ANKRD36C: variants seen among roughly 807,000 people sequenced by gnomAD.
ANKRD36C encodes the protein ankyrin repeat domain 36C.
Under a neutral mutation model 276.4 loss-of-function variants are expected in ANKRD36C, and 61 were observed. The observed-to-expected ratio is 0.22, with a 90% CI of 0.18 to 0.27. The LOEUF is 0.27. Ranked by LOEUF, ANKRD36C falls within the 10% of genes least tolerant of loss-of-function variation. The pLI is 1.00. For missense variants in ANKRD36C, 1,447 were observed against 2,032.3 expected (o/e 0.71, Z 5.54); for synonymous variants, 483 against 680.1 (o/e 0.71, Z 4.51).
chr2:95,873,342 G>C (rs1309309310), intron 59 of ANKRD36C, among the ~76,000 whole-genome samples: 4 of 152,192 alleles, frequency 2.6e-5, no homozygotes, highest in Non-Finnish European at 5.9e-5. Context: ...CTTCATCCCT[G>C]GGATGCAAGG....
chr2:95,875,486 C>T lies in ANKRD36C; in HGVS notation c.3540+953G>A, dbSNP rs577145384. ...ATAGGTGGGAATTGAACAATGAGAA[C>T]AGGTGGACACAGGAAGGGGAACATC... On this transcript the variant is annotated intron_variant, in intron 59 of 66. Coordinates refer to ENST00000456556, the Ensembl canonical transcript of ANKRD36C. Among the ~76,000 whole-genome samples the T allele has an allele frequency of 1.2e-4, 15 of 129,540 alleles. No homozygotes were observed. The East Asian group carries it at 3.4e-3, about 30-fold the overall frequency. The allele number at this position is 129,540 out of a possible 152,430, so 85.0% of individuals were successfully genotyped here.
chr2:95,876,853 C>CAAAAAAA (rs61043155), intron 58 of ANKRD36C, among the ~76,000 whole-genome samples: 1 of 84,166 alleles, frequency 1.2e-5, no homozygotes, highest in African/African-American at 5.6e-5. Context: ...GACTGTGTCT[C>CAAAAAAA]AAAAAAAAAA....
Position 95,857,500 on chromosome 2 carries a change from T to A in ANKRD36C, c.3897-8A>T. On this transcript the variant is annotated splice_polypyrimidine_tract_variant and splice_region_variant and intron_variant, in intron 61 of 66. Coordinates refer to ENST00000456556, the Ensembl canonical transcript of ANKRD36C. ...TCTTGCTGTATGGCAAATCTGTAAA[T>A]ATACTTATCTTAGAATTTATCTTAT... The A allele has an allele frequency of 6.5e-7, 1 of 1,537,048 alleles. No homozygotes were observed. Among genetic ancestry groups the A allele is most frequent in the South Asian group, 1.3e-5 (1 of 78,624 alleles).
intron 42 of ANKRD36C, 40 bp from the exon 46 acceptor site, chr2:95,910,485 A>T (rs1428494886): frequency 6.3e-7 from 1 of 1,599,716 alleles, no homozygotes. Flanking sequence ...TAAATAAAGT[A>T]TGTTTCATAG....
In ANKRD36C at chr2:95,897,857, G is replaced by C. The variant is rs979543300; in HGVS notation, c.2755+1288C>G. Among the ~76,000 whole-genome samples the C allele has an allele frequency of 1.0e-4, 13 of 125,984 alleles. No individual in the cohort carries two copies. The East Asian group carries it at 2.5e-3, about 24-fold the overall frequency. The allele number at this position is 125,984 out of a possible 152,430, so 82.7% of individuals were successfully genotyped here. A position where few individuals can be genotyped will look rare whatever the true frequency, so the allele number is the denominator to read the frequency against. ...TACCTTTCATGCAACAAATTAAAAG[G>C]ATTTACACCATTATAATACAAACAT... On this transcript the variant is annotated intron_variant, in intron 44 of 66. Coordinates refer to ENST00000456556, the Ensembl canonical transcript of ANKRD36C.
At chr2:95,991,620 G>A in exon 1 of ANKRD36C, 1 of 1,614,064 alleles carries the variant, frequency 6.2e-7, no homozygotes, top group Non-Finnish European at 8.5e-7. Flanking sequence ...CAGATGATAC[G>A]GTTTAATGGG....
intron 50 of ANKRD36C, 71 bp downstream of exon 70, chr2:95,887,854 A>G: frequency 6.5e-7 from 1 of 1,533,584 alleles, no homozygotes; most frequent in East Asian, 2.5e-5. Context: ...CCCCGCACTG[A>G]TTTGTTCGGG....
chr2:95,960,616 A>G, intron 9 of ANKRD36C, 23 bp downstream of exon 9: 1 of 1,362,204 alleles, frequency 7.3e-7, no homozygotes, highest in Non-Finnish European at 9.9e-7. Flanking sequence ...TAATTATTCA[A>G]AATATGAATG....
In ANKRD36C at chr2:95,923,824, T is replaced by C. The variant is rs1269251695; in HGVS notation, c.2042-135A>G. On this transcript the variant is annotated intron_variant, in intron 30 of 66. Coordinates refer to ENST00000456556, the Ensembl canonical transcript of ANKRD36C. ...GGCTTTGATTTTTGTGTCTGGGGAC[T>C]GGAACATGACAGAAATACACTGAAA... 3.8e-6 allele frequency: 5 copies of C among 1,318,562 alleles called. No homozygotes were observed. The South Asian group carries it at 4.1e-5, about 11-fold the overall frequency. The allele number at this position is 1,318,562 out of a possible 1,614,324, so 81.7% of individuals were successfully genotyped here.
At chr2:95,987,753 C>T (rs1366684950) in intron 1 of ANKRD36C, among the ~76,000 whole-genome samples, 17 of 151,966 alleles carry the variant, frequency 1.1e-4, no homozygotes, top group African/African-American at 4.1e-4. Flanking sequence ...TCCCGAGTAG[C>T]TGGGACTACA....
chr2:95,977,946 A>G (rs937483725), intron 6 of ANKRD36C, among the ~76,000 whole-genome samples, 176 bp downstream of exon 6: 7 of 152,072 alleles, frequency 4.6e-5, no homozygotes, highest in African/African-American at 1.7e-4. Context: ...CTGAGATTAT[A>G]AATTACCTAC....
intron 46 of ANKRD36C, among the ~76,000 whole-genome samples, 163 bp downstream of exon 66, chr2:95,891,502 G>C (rs547665203): frequency 5.3e-5 from 8 of 151,026 alleles, no homozygotes; most frequent in East Asian, 3.9e-4. Flanking sequence ...ATGTTCCAGA[G>C]CAGCAGCATC....
chr2:95,978,288 T>C, intron 5 of ANKRD36C, 99 bp from the exon 6 acceptor site: 1 of 420,452 alleles, frequency 2.4e-6, no homozygotes, highest in Non-Finnish European at 4.3e-6. Flanking sequence ...AATATCAGGA[T>C]GTTAATTATC....
intron 42 of ANKRD36C, 144 bp from the exon 47 acceptor site, chr2:95,908,841 A>T: frequency 6.9e-7 from 1 of 1,450,634 alleles, no homozygotes. Flanking sequence ...TCTGGGGACT[A>T]GAACATGACA....
intron 24 of ANKRD36C, among the ~76,000 whole-genome samples, chr2:95,929,842 T>G (rs1677517659): frequency 6.6e-6 from 1 of 151,504 alleles, no homozygotes; most frequent in Admixed American, 6.6e-5. Flanking sequence ...TCATTATTTT[T>G]CACACCCATA....
chr2:95,878,628 G>C (rs1676007225), intron 58 of ANKRD36C, among the ~76,000 whole-genome samples: 1 of 152,114 alleles, frequency 6.6e-6, no homozygotes, highest in South Asian at 2.1e-4. Context: ...CCTCTGGCTA[G>C]AAACATGCTC....
intron 44 of ANKRD36C, among the ~76,000 whole-genome samples, chr2:95,894,935 C>T (rs923537287): frequency 1.3e-5 from 2 of 150,346 alleles, no homozygotes; most frequent in African/African-American, 4.9e-5. Context: ...ACCTTCCTGC[C>T]TCACAATCCG....
chr2:95,947,998 C>A (rs1313581962), intron 17 of ANKRD36C, among the ~76,000 whole-genome samples: 1 of 151,546 alleles, frequency 6.6e-6, no homozygotes, highest in African/African-American at 2.4e-5. Flanking sequence ...ATATATAGAA[C>A]CAAGAATAAA....
intron 46 of ANKRD36C, among the ~76,000 whole-genome samples, chr2:95,891,084 A>T (rs548347676): frequency 6.6e-6 from 1 of 151,568 alleles, no homozygotes; most frequent in South Asian, 2.1e-4. Flanking sequence ...GGAGCAGCCA[A>T]AATCAAATAT....
Sources: allele counts gnomAD v4.1 joint callset (sites outside exome capture counted in the v4.1 genomes callset), GRCh38; gene constraint gnomAD v4.1.1; transcripts MANE v1.5; gene names NCBI Gene and HGNC (gene_info 2026-07-23, HGNC 2026-07-21).